Variants in CCDC171 observed in about 807,000 individuals in gnomAD.
The protein encoded by CCDC171 is coiled-coil domain containing 171, also known as coiled-coil domain-containing protein 171.
Under a neutral mutation model 168.2 loss-of-function variants are expected in CCDC171, and 177 were observed. The ratio of observed to expected loss-of-function variants is 1.05; its 90% CI spans 0.93 to 1.19. CCDC171 has a LOEUF of 1.19. Among genes scored for constraint, CCDC171 ranks in the 50% most tolerant of loss-of-function variants. The probability of loss-of-function intolerance (pLI) is 0.00; values close to 1 mark genes in which losing one functional copy is unlikely to be tolerated. For synonymous variants in CCDC171, 687 were observed against 540.8 expected (o/e 1.27, Z -3.75); for missense variants, 1,991 against 1,539.0 (o/e 1.29, Z -4.91).
At chr9:15,671,455 C>T (rs894152763) in intron 9 of CCDC171, among the ~76,000 whole-genome samples, 6 of 151,940 alleles carry the variant, frequency 3.9e-5, no homozygotes, top group East Asian at 1.9e-4. Context: ...TCCATCAACT[C>T]GCTTACATTA....
At chr9:16,003,295 C>T (rs1460570880) in intron 3 of CCDC171, among the ~76,000 whole-genome samples, 1 of 152,166 alleles carries the variant, frequency 6.6e-6, no homozygotes, top group Non-Finnish European at 1.5e-5. Context: ...TCTAAGGTCC[C>T]TTCCAGTTCT....
chr9:15,845,561 A>G (rs936343209), intron 21 of CCDC171: 52 of 151,972 alleles, frequency 3.4e-4, no homozygotes, highest in Non-Finnish European at 7.4e-5. Context: ...TATACTACCC[A>G]TTGTGAATGC....
At chr9:15,578,146 A>G (rs1034882203) in intron 3 of CCDC171, among the ~76,000 whole-genome samples, 2 of 152,154 alleles carry the variant, frequency 1.3e-5, no homozygotes, top group African/African-American at 4.8e-5. Context: ...TAGGGAATAG[A>G]AGGAGGAGAG....
At chr9:15,556,390 C>T (rs1023502100) in intron 1 of CCDC171, among the ~76,000 whole-genome samples, 3 of 152,180 alleles carry the variant, frequency 2.0e-5, no homozygotes, top group Non-Finnish European at 4.4e-5. Context: ...TCCACATCCT[C>T]TCTAGCACCT....
At chr9:15,723,160 T>A (rs2053593475) in intron 12 of CCDC171, among the ~76,000 whole-genome samples, 1 of 152,054 alleles carries the variant, frequency 6.6e-6, no homozygotes, top group African/African-American at 2.4e-5. Flanking sequence ...AGAAAATAAA[T>A]CACAAGCGGT....
chr9:16,041,329 T>C (rs892846505), upstream of CCDC171, among the ~76,000 whole-genome samples: 2 of 152,024 alleles, frequency 1.3e-5, no homozygotes, highest in African/African-American at 2.4e-5. Flanking sequence ...TGAGAGAAAA[T>C]GCAGAGGAAA....
intron 3 of CCDC171, among the ~76,000 whole-genome samples, chr9:16,011,655 G>T (rs1320170528): frequency 6.6e-6 from 1 of 152,024 alleles, no homozygotes; most frequent in Non-Finnish European, 1.5e-5. Context: ...CCATTCCTTT[G>T]TCTGTCCATA....
chr9:15,635,154 G>A (rs2046104614), intron 7 of CCDC171, among the ~76,000 whole-genome samples: 1 of 152,190 alleles, frequency 6.6e-6, no homozygotes, highest in Non-Finnish European at 1.5e-5. Context: ...ACTATCACAA[G>A]TTGAAGTTCC....
intron 10 of CCDC171, among the ~76,000 whole-genome samples, chr9:15,691,529 C>A (rs1275052398): frequency 1.3e-4 from 6 of 47,008 alleles, no homozygotes; most frequent in Admixed American, 4.8e-4. Context: ...TTAAAAATAC[C>A]TGTAAATATA....
chr9:15,812,788 G>C lies in CCDC171; in HGVS notation c.3267+28094G>C, dbSNP rs550423780. ...TATTGTGGACCAGTGACTGCTACTT[G>C]TTGCCCACTCTTCCTTTCTCTGAAT... On this transcript the variant is annotated intron_variant, in intron 21 of 25. Transcript: ENST00000380701. Among the ~76,000 whole-genome samples the C allele has an allele frequency of 8.3e-4, 126 of 152,290 alleles. 1 individual carries two copies. Among genetic ancestry groups the C allele is most frequent in the African/African-American group, 2.3e-3 (96 of 41,556 alleles).
intron 1 of CCDC171, among the ~76,000 whole-genome samples, chr9:16,047,117 T>G (rs1196121469): frequency 3.3e-5 from 5 of 152,208 alleles, no homozygotes; most frequent in Admixed American, 2.0e-4. Context: ...AGTTCCTGAA[T>G]TTAAGAATGG....
At chr9:15,716,734 C>G (rs2053115816) in intron 11 of CCDC171, among the ~76,000 whole-genome samples, 1 of 152,108 alleles carries the variant, frequency 6.6e-6, no homozygotes, top group Admixed American at 6.6e-5. Flanking sequence ...TTGGGGAGAA[C>G]TGACTTTTAT....
chr9:15,904,245 T>C (rs1481576526), intron 24 of CCDC171, among the ~76,000 whole-genome samples: 1 of 151,830 alleles, frequency 6.6e-6, no homozygotes. Context: ...AAAGTTGAAA[T>C]GAAGGAAAAA....
chr9:15,796,987 C>T, intron 21 of CCDC171, among the ~76,000 whole-genome samples: 1 of 152,168 alleles, frequency 6.6e-6, no homozygotes, highest in Non-Finnish European at 1.5e-5. Flanking sequence ...AAATTGGCTG[C>T]ATGATTTTAC....
intron 21 of CCDC171, among the ~76,000 whole-genome samples, chr9:15,788,030 G>T (rs1208841268): frequency 6.6e-6 from 1 of 152,160 alleles, no homozygotes; most frequent in African/African-American, 2.4e-5. Context: ...ATAAAGAGCT[G>T]TTCATGTTAA....
chr9:15,921,666 G>C (rs1825344608), intron 25 of CCDC171, among the ~76,000 whole-genome samples: 1 of 151,442 alleles, frequency 6.6e-6, no homozygotes, highest in Non-Finnish European at 1.5e-5. Flanking sequence ...ACAGTTATTT[G>C]GGACCAGAGT....
At chr9:15,976,798 T>G (rs1331578116), downstream of CCDC171, among the ~76,000 whole-genome samples, 2 of 152,088 alleles carry the variant, frequency 1.3e-5, no homozygotes, top group Non-Finnish European at 2.9e-5. Flanking sequence ...TCTTCTAAAA[T>G]TTTTACAATG....
At chr9:16,094,428 G>T in the CCDC171 span, among the ~76,000 whole-genome samples, 1 of 152,254 alleles carries the variant, frequency 6.6e-6, no homozygotes, top group East Asian at 1.9e-4. Context: ...GAGGGGAAAA[G>T]GGTTTAAACT....
chr9:15,725,279 TG>T (rs2053727327), intron 14 of CCDC171, among the ~76,000 whole-genome samples: 1 of 152,194 alleles, frequency 6.6e-6, no homozygotes, highest in African/African-American at 2.4e-5. Context: ...GGTTCCTGTT[TG>T]CCAATGACAA....
Sources: allele counts gnomAD v4.1 joint callset (sites outside exome capture counted in the v4.1 genomes callset), GRCh38; gene constraint gnomAD v4.1.1; transcripts MANE v1.5; gene names NCBI Gene and HGNC (gene_info 2026-07-23, HGNC 2026-07-21).